The following EFCAB6 variants were observed in gnomAD, a reference collection of about 807,000 sequenced individuals.
The protein encoded by EFCAB6 is EF-hand calcium binding domain 6.
A neutral mutation model predicts 169.8 loss-of-function variants in EFCAB6; 156 were observed. That is an observed-to-expected ratio of 0.92 (90% CI 0.81 to 1.05). The LOEUF is 1.05. Ranked by LOEUF, EFCAB6 falls within the 50% of genes least tolerant of loss-of-function variation. The probability of loss-of-function intolerance (pLI) is 0.00; values close to 1 mark genes in which losing one functional copy is unlikely to be tolerated. For synonymous variants in EFCAB6, 698 were observed against 676.4 expected, an observed-to-expected ratio of 1.03 and a Z score of -0.50; for missense variants, 1,800 against 1,829.1, an observed-to-expected ratio of 0.98 and a Z score of 0.29.
intron 22 of EFCAB6, 94 bp from the exon 23 acceptor site, chr22:43,600,357 G>C: frequency 7.8e-7 from 1 of 1,282,906 alleles, no homozygotes; most frequent in Non-Finnish European, 1.1e-6. Context: ...CATCCATGAG[G>C]AGCTCGTCTT....
chr22:43,649,726 T>C (rs1569316101), intron 17 of EFCAB6, among the ~76,000 whole-genome samples: 1 of 151,480 alleles, frequency 6.6e-6, no homozygotes, highest in Non-Finnish European at 1.5e-5. Flanking sequence ...ACAGAAAAAA[T>C]GCATCAAAAC....
At chr22:43,675,365 AAT>A (rs2057693824) in intron 13 of EFCAB6, among the ~76,000 whole-genome samples, 1 of 128,416 alleles carries the variant, frequency 7.8e-6, no homozygotes, top group African/African-American at 2.8e-5. Context: ...TATAATATAT[AAT>A]ATAATATACT....
chr22:43,665,032 G>A (rs1020193709), intron 17 of EFCAB6, among the ~76,000 whole-genome samples: 9 of 152,114 alleles, frequency 5.9e-5, no homozygotes, highest in African/African-American at 2.2e-4. Flanking sequence ...AATTGGATGT[G>A]GGTACAAGAG....
chr22:43,743,675 C>T (rs2060450737), intron 6 of EFCAB6, among the ~76,000 whole-genome samples: 1 of 152,176 alleles, frequency 6.6e-6, no homozygotes, highest in Admixed American at 6.5e-5. Flanking sequence ...TAACCACACA[C>T]CCATGTCAGG....
At position 43,634,053 on chromosome 22, in the gene EFCAB6, A is replaced by G. The variant is rs960787893; in HGVS notation, c.2098+1049T>C. Among the ~76,000 whole-genome samples the G allele has an allele frequency of 2.0e-5, 3 of 152,248 alleles. No homozygotes were observed. In the South Asian group the frequency reaches 6.2e-4, roughly 32 times the overall value. ...GGGAGGAGAACACAGGCAGCCAGGA[A>G]GCCGGGAGCAGGTGACAGAGACGGA... is the stretch of plus-strand genomic sequence containing the variant. On this transcript the variant is annotated intron_variant, in intron 18 of 31. Transcript: ENST00000262726.
chr22:43,686,786 T>G (rs1408006142), intron 11 of EFCAB6, among the ~76,000 whole-genome samples: 1 of 152,110 alleles, frequency 6.6e-6, no homozygotes, highest in African/African-American at 2.4e-5. Context: ...GTGCCAAGAT[T>G]ATAAAGCCTG....
intron 17 of EFCAB6, among the ~76,000 whole-genome samples, chr22:43,652,186 C>T (rs1254391006): frequency 6.6e-6 from 1 of 152,098 alleles, no homozygotes; most frequent in African/African-American, 2.4e-5. Context: ...TTGGGAGGGA[C>T]CTGGTGGGAG....
At chr22:43,723,255 A>C (rs1470965160) in intron 8 of EFCAB6, among the ~76,000 whole-genome samples, 1 of 152,220 alleles carries the variant, frequency 6.6e-6, no homozygotes, top group Non-Finnish European at 1.5e-5. Flanking sequence ...CATTGTTAAA[A>C]TGACAACAAA....
intron 16 of EFCAB6, among the ~76,000 whole-genome samples, chr22:43,667,692 G>A (rs964302739): frequency 5.3e-5 from 8 of 152,068 alleles, no homozygotes; most frequent in Non-Finnish European, 1.0e-4. Flanking sequence ...AAAGAAATAG[G>A]CTGTTTTGTG....
chr22:43,745,523 G>A (rs1445409292), intron 6 of EFCAB6, among the ~76,000 whole-genome samples: 6 of 152,240 alleles, frequency 3.9e-5, no homozygotes, highest in South Asian at 4.2e-4. Context: ...CATCCCACCC[G>A]CCTGCCTGTA....
intron 13 of EFCAB6, among the ~76,000 whole-genome samples, 160 bp downstream of exon 13, chr22:43,677,836 C>T (rs530221863): frequency 6.6e-6 from 1 of 151,840 alleles, no homozygotes; most frequent in African/African-American, 2.4e-5. Context: ...AAGTTAAAAT[C>T]AAAGTGCTTA....
intron 1 of EFCAB6, among the ~76,000 whole-genome samples, chr22:43,811,340 G>C (rs1386640679): frequency 3.3e-5 from 4 of 121,172 alleles, no homozygotes; most frequent in Non-Finnish European, 1.7e-5. Flanking sequence ...GGGGAGGAGA[G>C]AGGAGGGGAG....
At chr22:43,770,975 A>G (rs2061451027) in intron 4 of EFCAB6, among the ~76,000 whole-genome samples, 1 of 152,204 alleles carries the variant, frequency 6.6e-6, no homozygotes, top group African/African-American at 2.4e-5. Flanking sequence ...AGTTAAGACT[A>G]GAATTTGGGA....
At position 43,789,583 on chromosome 22, in the gene EFCAB6, T is replaced by G. The variant is rs146651930; in HGVS notation, c.-7-7258A>C. Reference sequence around the variant, plus strand: ...TCACGCCCCCACTGTCAGAGCTAACTTGGCTGTGCTCCTACTGCAGCAGAC... The same window carrying G: ...TCACGCCCCCACTGTCAGAGCTAACGTGGCTGTGCTCCTACTGCAGCAGAC... On this transcript the variant is annotated intron_variant, in intron 2 of 31. Coordinates refer to ENST00000262726, the MANE Select transcript of EFCAB6 (RefSeq NM_022785.4). Among the ~76,000 whole-genome samples the G allele has an allele frequency of 4.5e-4, 68 of 152,322 alleles. 1 individual carries two copies. The Middle Eastern group carries it at 0.02, about 46-fold the overall frequency.
chr22:43,664,277 G>T (rs2057141653), intron 17 of EFCAB6, among the ~76,000 whole-genome samples: 1 of 152,214 alleles, frequency 6.6e-6, no homozygotes, highest in Non-Finnish European at 1.5e-5. Flanking sequence ...TTCATTTAGG[G>T]CTGCACTGGG....
chr22:43,700,871 G>A (rs2058743032), intron 10 of EFCAB6, among the ~76,000 whole-genome samples: 1 of 152,088 alleles, frequency 6.6e-6, no homozygotes, highest in Non-Finnish European at 1.5e-5. Flanking sequence ...CATCCGCTGA[G>A]TTACATTTGA....
intron 17 of EFCAB6, among the ~76,000 whole-genome samples, chr22:43,654,572 C>CAAT (rs759472298): frequency 1.3e-5 from 2 of 152,224 alleles, no homozygotes; most frequent in Non-Finnish European, 2.9e-5. Context: ...ACACAAATCC[C>CAAT]AATTGAGGGA....
In EFCAB6 at chr22:43,809,039, G is replaced by A. The variant is rs976368305; in HGVS notation, c.-52C>T. 1 of 152,158 alleles carries A rather than the reference G, an allele frequency of 6.6e-6. No individual in the cohort carries two copies. Among genetic ancestry groups the A allele is most frequent in the Admixed American group, 6.5e-5 (1 of 15,276 alleles). The allele number at this position is 152,158 out of a possible 1,614,324, so 9.4% of individuals were successfully genotyped here. ...TCAAATATTCAGTTCAAATGCTAAA[G>A]TCCACATTCTCTCCCTGAAGAGTGA... On this transcript the variant is annotated 5_prime_UTR_variant, in exon 2 of 32. Coordinates refer to ENST00000262726, the MANE Select transcript of EFCAB6 (RefSeq NM_022785.4).
At chr22:43,647,447 C>T (rs1159923664) in intron 17 of EFCAB6, among the ~76,000 whole-genome samples, 1 of 152,154 alleles carries the variant, frequency 6.6e-6, no homozygotes, top group African/African-American at 2.4e-5. Flanking sequence ...CAGGTTCTAT[C>T]CAGGAACTGG....
Sources: allele counts gnomAD v4.1 joint callset (sites outside exome capture counted in the v4.1 genomes callset), GRCh38; gene constraint gnomAD v4.1.1; transcripts MANE v1.5; gene names NCBI Gene and HGNC (gene_info 2026-07-23, HGNC 2026-07-21).